Variants in SYNE1 observed in about 807,000 individuals in gnomAD.
SYNE1 encodes the protein spectrin repeat containing nuclear envelope protein 1, also known as nesprin-1.
SYNE1 carries 616 observed loss-of-function variants against 1,111.0 expected under a neutral mutation model. That is an observed-to-expected ratio of 0.55 (90% confidence interval 0.52 to 0.59). The LOEUF (loss-of-function observed/expected upper bound fraction) is 0.59. Ranked by LOEUF, SYNE1 falls within the 20% of genes least tolerant of loss-of-function variation. The pLI, the probability that SYNE1 is intolerant of heterozygous loss-of-function variation, is 0.00. For synonymous variants in SYNE1, 3,855 were observed against 3,825.8 expected (o/e 1.01, Z -0.28); for missense variants, 10,006 against 10,417.0 (o/e 0.96, Z 1.72).
At position 152,223,339 on chromosome 6, in the gene SYNE1, C is replaced by T. The variant is rs993777729; in HGVS notation, c.21522+1155G>A. On this transcript the variant is annotated intron_variant, in intron 117 of 145. Transcript: ENST00000367255. ...AAAAAAAATATTTCCTTAAGAAAGT[C>T]GGCCGGGCATGGTGGCTCATGCCTG... Among the ~76,000 whole-genome samples the T allele has an allele frequency of 3.3e-5, 5 of 151,990 alleles. No individual in the cohort carries two copies. The East Asian group carries it at 5.8e-4, about 18-fold the overall frequency.
intron 45 of SYNE1, among the ~76,000 whole-genome samples, chr6:152,405,970 A>G (rs2097893295): frequency 6.6e-6 from 1 of 151,930 alleles, no homozygotes. Flanking sequence ...TAGCCCAATT[A>G]CTACTTGATA....
At chr6:152,476,499 C>G (rs1335359147) in intron 14 of SYNE1, among the ~76,000 whole-genome samples, 1 of 152,120 alleles carries the variant, frequency 6.6e-6, no homozygotes, top group African/African-American at 2.4e-5. Context: ...GGAAATGGTA[C>G]CCTGGCTTCT....
intron 85 of SYNE1, 41 bp downstream of exon 85, chr6:152,318,818 CTATT>C: frequency 6.2e-7 from 1 of 1,610,446 alleles, no homozygotes; most frequent in Non-Finnish European, 8.5e-7. Flanking sequence ...ACTCCAAAAA[CTATT>C]TAATTCATTC....
At chr6:152,446,797 G>T (rs760533130) in intron 29 of SYNE1, among the ~76,000 whole-genome samples, 1 of 152,068 alleles carries the variant, frequency 6.6e-6, no homozygotes, top group South Asian at 2.1e-4. Context: ...AAGTAGATGC[G>T]TTTGTATATT....
intron 73 of SYNE1, among the ~76,000 whole-genome samples, chr6:152,346,366 C>A (rs1029026974): frequency 6.6e-6 from 1 of 151,942 alleles, no homozygotes; most frequent in Non-Finnish European, 1.5e-5. Flanking sequence ...GGGGTTTCAC[C>A]ATGTTGGCCA....
Position 152,215,016 on chromosome 6 carries a change from A to G in SYNE1, c.22236T>C (p.Arg7412=). Residue 7412 remains arginine (R), a synonymous_variant, in exon 122 of 146, where the codon CGT becomes CGC. Coordinates refer to ENST00000367255, the MANE Select transcript of SYNE1 (RefSeq NM_182961.4). The stretch of plus-strand genomic sequence containing the variant: ...GTAACCTATATCCAAGCTCATTTAG[A>G]CGGTCTAAATCTGGAGCCATGCTGC... The part of the protein sequence containing the change: ...KFSSMAPDLD[R]LNELGYRLPL... The G allele has an allele frequency of 6.2e-7, 1 of 1,614,102 alleles. No individual in the cohort carries two copies. Among genetic ancestry groups the G allele is most frequent in the African/African-American group, 1.3e-5 (1 of 75,020 alleles).
intron 8 of SYNE1, among the ~76,000 whole-genome samples, chr6:152,505,837 A>G (rs553377113): frequency 6.6e-6 from 1 of 152,178 alleles, no homozygotes; most frequent in African/African-American, 2.4e-5. Context: ...ATTTTTGTAG[A>G]AAGAGCTAAC....
intron 2 of SYNE1, among the ~76,000 whole-genome samples, chr6:152,632,917 C>A (rs572190925): frequency 3.8e-4 from 58 of 152,056 alleles, no homozygotes; most frequent in Non-Finnish European, 7.6e-4. Flanking sequence ...GAGAGACGGC[C>A]CTAAAATGCA....
rs77221231 is a variant in SYNE1 at position 152,376,805 on chromosome 6, T to G, written c.9117A>C (p.Lys3039Asn). 768 of 1,614,062 alleles carry G rather than the reference T, an allele frequency of 4.8e-4. 15 individuals are homozygous for G. The East Asian group carries it at 0.017, about 36-fold the overall frequency. The change falls in exon 57 of 146, where the codon AAA becomes AAC. Residue 3039 changes from lysine (K) to asparagine (N), a missense_variant. By Grantham distance (94) the Lys-to-Asn change is moderately conservative. This residue lies in a region of SYNE1 where 4,955 missense variants were observed against 5,017.2 expected (regional missense o/e 0.99). Transcript: ENST00000367255. ...TATACTCTTTAATCAAGCCAGAAAC[T>G]TTTCCACTGTAGGTACTCAGGTCTC... is the stretch of plus-strand genomic sequence containing the variant. ...FSRDLSTYSG[K>N]VSGLIKEYNC...
Position 152,390,441 on chromosome 6 carries a change from C to T in SYNE1, c.8016G>A (p.Leu2672=). ...ACTTAACTTCCCCTTCACCTTTCATCAGGAGAATATCCTGGGAAGGAAGAA... is the reference window on the plus strand; with the variant it reads ...ACTTAACTTCCCCTTCACCTTTCATTAGGAGAATATCCTGGGAAGGAAGAA... ...KRLSQIQDIL[L]MKGEGEVKLN... is the part of the protein sequence containing the mutation. Residue 2672 remains leucine, a synonymous_variant, in exon 53 of 146, where the codon CTG becomes CTA. Transcript: ENST00000367255. The T allele has an allele frequency of 1.2e-6, 2 of 1,614,032 alleles. No homozygotes were observed. The highest frequency in any genetic ancestry group is 1.7e-6 in the Non-Finnish European group (2 of 1,179,988).
intron 66 of SYNE1, among the ~76,000 whole-genome samples, chr6:152,356,553 A>G (rs1299567266): frequency 6.7e-6 from 1 of 148,704 alleles, no homozygotes; most frequent in Non-Finnish European, 1.5e-5. Context: ...TATTAAAAAT[A>G]TATAAACTAT....
At chr6:152,367,654 C>T in intron 61 of SYNE1, 1 of 454,342 alleles carries the variant, frequency 2.2e-6, no homozygotes, top group South Asian at 2.2e-5. Flanking sequence ...AGTAAAATTT[C>T]TCCCTAATGC....
At chr6:152,179,859 T>C (rs2153175127) in intron 129 of SYNE1, among the ~76,000 whole-genome samples, 1 of 151,932 alleles carries the variant, frequency 6.6e-6, no homozygotes, top group Non-Finnish European at 1.5e-5. Context: ...TAATGTTTTG[T>C]ATTTTAGTAG....
intron 51 of SYNE1, among the ~76,000 whole-genome samples, chr6:152,391,970 T>C (rs2097649337): frequency 1.3e-5 from 2 of 152,242 alleles, no homozygotes; most frequent in African/African-American, 4.8e-5. Flanking sequence ...CCCTGCTGTC[T>C]TGTATCTACA....
intron 92 of SYNE1, 151 bp downstream of exon 92, chr6:152,301,718 G>C: frequency 2.5e-6 from 2 of 799,520 alleles, no homozygotes; most frequent in Admixed American, 5.9e-5. Context: ...CCGGCCCAAC[G>C]GTAGTCAAAG....
At chr6:152,262,524 T>A (rs974069280) in intron 100 of SYNE1, among the ~76,000 whole-genome samples, 1 of 152,140 alleles carries the variant, frequency 6.6e-6, no homozygotes, top group Admixed American at 6.5e-5. Context: ...AATGTGTTAG[T>A]CTAGGGAGAG....
intron 102 of SYNE1, 42 bp downstream of exon 102, chr6:152,256,592 C>G: frequency 6.2e-7 from 1 of 1,611,670 alleles, no homozygotes; most frequent in Non-Finnish European, 8.5e-7. Context: ...CAAAACAAGA[C>G]TCTTATAAAC....
intron 14 of SYNE1, among the ~76,000 whole-genome samples, chr6:152,473,290 T>C (rs2098816912): frequency 6.6e-6 from 1 of 152,136 alleles, no homozygotes; most frequent in Non-Finnish European, 1.5e-5. Flanking sequence ...AAGTAAGACA[T>C]ATTAGACCAC....
chr6:152,440,257 T>TC (rs1371068980), intron 32 of SYNE1, among the ~76,000 whole-genome samples: 2 of 152,182 alleles, frequency 1.3e-5, no homozygotes, highest in African/African-American at 4.8e-5. Flanking sequence ...CAGTCACTTT[T>TC]CTACACCTGC....
Sources: allele counts gnomAD v4.1 joint callset (sites outside exome capture counted in the v4.1 genomes callset), GRCh38; gene constraint gnomAD v4.1.1; regional missense constraint gnomAD v4.1.1; transcripts MANE v1.5; gene names NCBI Gene and HGNC (gene_info 2026-07-23, HGNC 2026-07-21).